Variants in TAFA1 observed in about 807,000 individuals in gnomAD.
The protein encoded by TAFA1 is TAFA chemokine like family member 1, also known as chemokine-like protein TAFA-1.
In TAFA1, 4 loss-of-function variants were observed where a neutral mutation model predicts 18.5. The ratio of observed to expected loss-of-function variants is 0.22; its 90% CI spans 0.11 to 0.49. TAFA1 has a LOEUF of 0.49. TAFA1 is among the 20% of genes least tolerant of loss of function. The pLI is 0.98. For missense variants in TAFA1, 147 were observed against 169.0 expected (o/e 0.87, Z 0.72); for synonymous variants, 56 against 55.2 (o/e 1.01, Z -0.06).
chr3:68,457,476 A>G (rs1431829840), intron 3 of TAFA1, among the ~76,000 whole-genome samples: 1 of 152,116 alleles, frequency 6.6e-6, no homozygotes, highest in Non-Finnish European at 1.5e-5. Flanking sequence ...AATTGTTTTG[A>G]ATACATTTAT....
chr3:68,401,938 A>T (rs1298833526), intron 2 of TAFA1, among the ~76,000 whole-genome samples: 3 of 152,212 alleles, frequency 2.0e-5, no homozygotes, highest in African/African-American at 7.2e-5. Flanking sequence ...ACAGAGTAGA[A>T]ATAACTAATA....
chr3:68,253,105 T>G (rs1464709559), intron 2 of TAFA1, among the ~76,000 whole-genome samples: 3 of 152,186 alleles, frequency 2.0e-5, no homozygotes, highest in Non-Finnish European at 4.4e-5. Flanking sequence ...TTATTAGCAG[T>G]GTGAGAACCG....
chr3:68,525,612 G>T (rs1443725908), intron 3 of TAFA1, among the ~76,000 whole-genome samples: 1 of 152,132 alleles, frequency 6.6e-6, no homozygotes, highest in Non-Finnish European at 1.5e-5. Context: ...CAGAGATATT[G>T]GGAAGTTCTT....
intron 4 of TAFA1, among the ~76,000 whole-genome samples, chr3:68,542,367 A>G (rs371919422): frequency 3.1e-4 from 47 of 152,250 alleles, no homozygotes; most frequent in African/African-American, 9.9e-4. Flanking sequence ...AGCAAGACTA[A>G]CCAACCAAAA....
At chr3:68,254,588 A>T (rs2067262278) in intron 2 of TAFA1, among the ~76,000 whole-genome samples, 1 of 152,116 alleles carries the variant, frequency 6.6e-6, no homozygotes, top group Non-Finnish European at 1.5e-5. Context: ...ATCTATTCAT[A>T]TGGGAACCAA....
At chr3:68,340,022 T>A (rs2069053245) in intron 2 of TAFA1, among the ~76,000 whole-genome samples, 1 of 152,208 alleles carries the variant, frequency 6.6e-6, no homozygotes, top group Admixed American at 6.5e-5. Context: ...TCTAATTATT[T>A]TTTCATACTG....
intron 2 of TAFA1, among the ~76,000 whole-genome samples, chr3:68,401,803 C>T (rs1442235149): frequency 6.6e-6 from 1 of 152,082 alleles, no homozygotes; most frequent in African/African-American, 2.4e-5. Flanking sequence ...GAAATCAGCA[C>T]CTCCCAAACT....
intron 2 of TAFA1, among the ~76,000 whole-genome samples, chr3:68,280,943 A>G (rs1367694793): frequency 6.6e-6 from 1 of 152,158 alleles, no homozygotes; most frequent in Non-Finnish European, 1.5e-5. Context: ...TGATTATAAC[A>G]CCAGTATCTA....
At chr3:68,106,183 C>G (rs1260479501) in intron 2 of TAFA1, among the ~76,000 whole-genome samples, 3 of 151,426 alleles carry the variant, frequency 2.0e-5, no homozygotes, top group African/African-American at 7.3e-5. Context: ...ACGAACGAAA[C>G]CACAAACAAA....
intron 2 of TAFA1, among the ~76,000 whole-genome samples, chr3:68,033,231 C>A (rs1047574330): frequency 2.0e-5 from 3 of 152,092 alleles, no homozygotes; most frequent in African/African-American, 7.2e-5. Flanking sequence ...TTTTCTGTAC[C>A]TGAGCTTTCA....
chr3:68,268,412 T>C lies in TAFA1; in HGVS notation c.119-148868T>C, dbSNP rs373991781. Among the ~76,000 whole-genome samples the C allele has an allele frequency of 1.2e-3, 176 of 152,148 alleles. 1 individual carries two copies. The highest frequency in any genetic ancestry group is 3.9e-3 in the African/African-American group (163 of 41,518). On this transcript the variant is annotated intron_variant, in intron 2 of 4. Transcript: ENST00000478136. ...CCCCCGTGACTCAACTCATTGTGGG[T>C]GTGGAGACATGGATGGGGGGAGCCA... is the stretch of plus-strand genomic sequence containing the variant.
chr3:68,021,701 G>T (rs960789976), intron 2 of TAFA1, among the ~76,000 whole-genome samples: 1 of 152,054 alleles, frequency 6.6e-6, no homozygotes, highest in African/African-American at 2.4e-5. Flanking sequence ...AGAAAGAAAA[G>T]AAGAAGGAAA....
At chr3:68,093,388 C>T (rs896989944) in intron 2 of TAFA1, among the ~76,000 whole-genome samples, 2 of 152,064 alleles carry the variant, frequency 1.3e-5, no homozygotes, top group Non-Finnish European at 1.5e-5. Context: ...AGTTTCCATC[C>T]CCCTTATTTC....
At chr3:68,327,521 G>T (rs771967645) in intron 2 of TAFA1, among the ~76,000 whole-genome samples, 4 of 152,158 alleles carry the variant, frequency 2.6e-5, no homozygotes, top group Non-Finnish European at 5.9e-5. Context: ...CTAGCAGCAT[G>T]AAACTGGTCA....
chr3:68,064,751 T>G (rs2064652468), intron 2 of TAFA1, among the ~76,000 whole-genome samples: 1 of 152,016 alleles, frequency 6.6e-6, no homozygotes, highest in Non-Finnish European at 1.5e-5. Context: ...TTGAGAAGTA[T>G]CCTATTGTGG....
intron 2 of TAFA1, among the ~76,000 whole-genome samples, chr3:68,101,231 G>A (rs2065143998): frequency 6.6e-6 from 1 of 151,372 alleles, no homozygotes; most frequent in Admixed American, 6.6e-5. Flanking sequence ...CCTCAAGGTA[G>A]GTGTGATTTC....
At chr3:68,389,869 G>C (rs1254580949) in intron 2 of TAFA1, among the ~76,000 whole-genome samples, 2 of 152,156 alleles carry the variant, frequency 1.3e-5, no homozygotes, top group African/African-American at 4.8e-5. Flanking sequence ...GCAACCCACA[G>C]ACCAGATTTG....
chr3:68,232,753 G>T (rs556218091), intron 2 of TAFA1, among the ~76,000 whole-genome samples: 1 of 151,920 alleles, frequency 6.6e-6, no homozygotes, highest in Non-Finnish European at 1.5e-5. Context: ...CTACAGGCAC[G>T]CACTACCACA....
intron 2 of TAFA1, among the ~76,000 whole-genome samples, chr3:68,100,041 T>C (rs1478223775): frequency 6.6e-6 from 1 of 152,082 alleles, no homozygotes; most frequent in Non-Finnish European, 1.5e-5. Flanking sequence ...AATCTCCCTA[T>C]TGAGTAATAT....
Sources: gnomAD v4.1 joint callset for allele counts (sites outside exome capture counted in the v4.1 genomes callset) on GRCh38, gnomAD v4.1.1 for gene constraint, MANE v1.5 for transcripts, NCBI Gene and HGNC (gene_info 2026-07-23, HGNC 2026-07-21) for gene names.